Variants in FHIT observed in about 807,000 individuals in gnomAD.
FHIT encodes the protein bis(5'-adenosyl)-triphosphatase.
FHIT carries 19 observed loss-of-function variants against 17.9 expected under a neutral mutation model. The ratio of observed to expected loss-of-function variants is 1.06; its 90% CI spans 0.74 to 1.56. The LOEUF (loss-of-function observed/expected upper bound fraction) is 1.56. Ranked by LOEUF, FHIT falls within the 40% of genes most tolerant of loss-of-function variation. FHIT has a pLI of 0.00. For missense variants in FHIT, 248 were observed against 189.2 expected, an observed-to-expected ratio of 1.31 and a Z score of -1.82; for synonymous variants, 81 against 69.7, an observed-to-expected ratio of 1.16 and a Z score of -0.81.
intron 4 of FHIT, among the ~76,000 whole-genome samples, chr3:60,651,885 C>A (rs1283563787): frequency 6.6e-6 from 1 of 152,148 alleles, no homozygotes; most frequent in Admixed American, 6.5e-5. Context: ...ACTGAGCAAA[C>A]CTATTTACTG....
chr3:60,418,209 A>C (rs969305269), intron 5 of FHIT, among the ~76,000 whole-genome samples: 2 of 151,706 alleles, frequency 1.3e-5, no homozygotes, highest in Non-Finnish European at 2.9e-5. Flanking sequence ...TCTCAAACTA[A>C]AACTGCAAAA....
intron 4 of FHIT, among the ~76,000 whole-genome samples, chr3:60,660,148 C>CA (rs1172351913): frequency 6.6e-6 from 1 of 151,984 alleles, no homozygotes; most frequent in African/African-American, 2.4e-5. Flanking sequence ...AAAATGAAAA[C>CA]AAAAGGAAAA....
chr3:60,154,805 T>C (rs944645127), intron 5 of FHIT, among the ~76,000 whole-genome samples: 1 of 152,190 alleles, frequency 6.6e-6, no homozygotes, highest in Non-Finnish European at 1.5e-5. Flanking sequence ...AAACAGTCAA[T>C]TTATATTTAA....
chr3:60,254,425 T>C, intron 5 of FHIT, among the ~76,000 whole-genome samples: 1 of 152,094 alleles, frequency 6.6e-6, no homozygotes, highest in South Asian at 2.1e-4. Context: ...TTAGAGATAC[T>C]ATATCAAACG....
intron 3 of FHIT, among the ~76,000 whole-genome samples, chr3:61,012,828 A>G (rs900117530): frequency 1.3e-5 from 2 of 151,902 alleles, no homozygotes; most frequent in Admixed American, 6.6e-5. Flanking sequence ...TTTTTAAAAA[A>G]TTTAATGTTC....
chr3:59,794,366 A>G (rs1575505774), intron 8 of FHIT, among the ~76,000 whole-genome samples: 1 of 152,206 alleles, frequency 6.6e-6, no homozygotes, highest in South Asian at 2.1e-4. Context: ...CTCGCATGTT[A>G]TTAACAATGG....
chr3:60,551,051 A>T (rs2036529351), intron 4 of FHIT, among the ~76,000 whole-genome samples: 1 of 152,146 alleles, frequency 6.6e-6, no homozygotes, highest in East Asian at 1.9e-4. Context: ...GTATGTGACT[A>T]TATGGGGATA....
intron 3 of FHIT, among the ~76,000 whole-genome samples, chr3:61,023,041 G>A (rs1189707462): frequency 1.3e-5 from 2 of 152,178 alleles, no homozygotes; most frequent in Non-Finnish European, 2.9e-5. Flanking sequence ...TAGGAAGAGA[G>A]GAAGTCAAAT....
intron 1 of FHIT, among the ~76,000 whole-genome samples, chr3:61,212,763 T>G (rs990014737): frequency 1.3e-5 from 2 of 152,180 alleles, no homozygotes; most frequent in Non-Finnish European, 2.9e-5. Flanking sequence ...AAAGGTCGGG[T>G]TACCCACAAA....
At chr3:60,765,445 C>T (rs1490994248) in intron 4 of FHIT, 5 of 151,930 alleles carry the variant, frequency 3.3e-5, no homozygotes, top group African/African-American at 4.8e-5. Context: ...TAGGGGCCCA[C>T]GAGTGTTGAC....
intron 8 of FHIT, among the ~76,000 whole-genome samples, chr3:59,917,179 G>A (rs922616530): frequency 6.6e-6 from 1 of 152,214 alleles, no homozygotes; most frequent in African/African-American, 2.4e-5. Flanking sequence ...CCAAGCAATT[G>A]TTTCCCATGA....
chr3:60,494,386 T>C (rs1388894605), intron 5 of FHIT, among the ~76,000 whole-genome samples: 1 of 152,150 alleles, frequency 6.6e-6, no homozygotes, highest in Non-Finnish European at 1.5e-5. Flanking sequence ...TGACATGTTT[T>C]GATACAGACA....
rs1286412454 is a variant in FHIT at position 60,694,270 on chromosome 3, A to G, written c.-18+127649T>C. On this transcript the variant is annotated intron_variant, in intron 4 of 9. Coordinates refer to ENST00000492590, the MANE Select transcript of FHIT (RefSeq NM_002012.4). ...GAAAACCCGATGCTCTCTTTGCATTACTAGCCAATGTGAAGCAACATTAAA... is the reference window on the plus strand; with the variant it reads ...GAAAACCCGATGCTCTCTTTGCATTGCTAGCCAATGTGAAGCAACATTAAA... Among the ~76,000 whole-genome samples the G allele has an allele frequency of 5.3e-5, 8 of 152,164 alleles. No individual in the cohort carries two copies. In the East Asian group the frequency reaches 1.5e-3, roughly 29 times the overall value.
chr3:60,207,810 A>G (rs937653360), intron 5 of FHIT, among the ~76,000 whole-genome samples: 1 of 152,226 alleles, frequency 6.6e-6, no homozygotes, highest in African/African-American at 2.4e-5. Flanking sequence ...TGAAAACTCA[A>G]GATACTGGTT....
At chr3:60,124,569 A>G (rs1324263598) in intron 5 of FHIT, among the ~76,000 whole-genome samples, 2 of 152,114 alleles carry the variant, frequency 1.3e-5, no homozygotes, top group African/African-American at 2.4e-5. Flanking sequence ...CCCTTGTTCT[A>G]TACACTATAT....
At chr3:60,873,139 GA>G (rs1704486678) in intron 3 of FHIT, among the ~76,000 whole-genome samples, 3 of 83,580 alleles carry the variant, frequency 3.6e-5, no homozygotes, top group African/African-American at 1.8e-4. Flanking sequence ...GAGGGAGAGG[GA>G]GAGAGAGAGA....
At chr3:60,412,055 C>T (rs962338376) in intron 5 of FHIT, among the ~76,000 whole-genome samples, 4 of 151,896 alleles carry the variant, frequency 2.6e-5, no homozygotes, top group East Asian at 1.9e-4. Context: ...GAAGATAATA[C>T]ACCTGCAGTG....
At chr3:60,000,246 G>C (rs1575852615) in intron 7 of FHIT, among the ~76,000 whole-genome samples, 1 of 152,192 alleles carries the variant, frequency 6.6e-6, no homozygotes, top group East Asian at 1.9e-4. Context: ...AAGGATTAAT[G>C]AAAGTCATTA....
chr3:60,419,282 G>A (rs960727157), intron 5 of FHIT, among the ~76,000 whole-genome samples: 1 of 152,188 alleles, frequency 6.6e-6, no homozygotes, highest in Non-Finnish European at 1.5e-5. Context: ...CTTAGCAAGT[G>A]TCGTCAACAC....
Sources: allele counts gnomAD v4.1 joint callset (sites outside exome capture counted in the v4.1 genomes callset), GRCh38; gene constraint gnomAD v4.1.1; transcripts MANE v1.5; gene names NCBI Gene and HGNC (gene_info 2026-07-23, HGNC 2026-07-21).